Variants in PDE1A observed in about 807,000 individuals in gnomAD.
The protein encoded by PDE1A is phosphodiesterase 1A.
PDE1A carries 35 observed loss-of-function variants against 61.7 expected under a neutral mutation model. That is an observed-to-expected ratio of 0.57 (90% CI 0.43 to 0.75). The LOEUF is 0.75. Ranked by LOEUF, PDE1A falls within the 30% of genes least tolerant of loss-of-function variation. PDE1A has a pLI of 0.00. For synonymous variants in PDE1A, 232 were observed against 213.2 expected (o/e 1.09, Z -0.77); for missense variants, 597 against 630.6 (o/e 0.95, Z 0.57).
chr2:182,597,520 G>A, the PDE1A span, among the ~76,000 whole-genome samples: 10 of 152,244 alleles, frequency 6.6e-5, no homozygotes, highest in Non-Finnish European at 1.5e-4. Context: ...GAGGGGTCCT[G>A]GGAGGGTCCT....
intron 13 of PDE1A, among the ~76,000 whole-genome samples, chr2:182,156,522 C>T (rs187228277): frequency 9.2e-5 from 14 of 152,072 alleles, no homozygotes; most frequent in Middle Eastern, 3.4e-3. Flanking sequence ...CATTCCTAGT[C>T]ATCTGGAAAA....
At chr2:182,376,579 A>G (rs148665440) in intron 1 of PDE1A, among the ~76,000 whole-genome samples, 1,912 of 152,214 alleles carry the variant, frequency 0.013, 24 homozygotes, top group South Asian at 0.048. Context: ...ACATTTTCTT[A>G]TCTTCTTCTG....
intron 1 of PDE1A, among the ~76,000 whole-genome samples, chr2:182,375,351 T>A (rs1700337425): frequency 6.6e-6 from 1 of 152,166 alleles, no homozygotes; most frequent in Admixed American, 6.5e-5. Context: ...CTAGATACAA[T>A]GGGGGTACAG....
chr2:182,161,955 C>CT (rs2125299706), intron 13 of PDE1A, among the ~76,000 whole-genome samples: 1 of 152,182 alleles, frequency 6.6e-6, no homozygotes, highest in South Asian at 2.1e-4. Flanking sequence ...CAGGAGTGAG[C>CT]TGGGGATGCC....
chr2:182,186,195 C>G, intron 12 of PDE1A, 116 bp from the exon 13 acceptor site: 1 of 1,057,386 alleles, frequency 9.5e-7, no homozygotes, highest in Non-Finnish European at 1.4e-6. Flanking sequence ...TGCTCAGTCC[C>G]AGTTCTGAGC....
the PDE1A span, among the ~76,000 whole-genome samples, chr2:182,590,984 A>G: frequency 6.6e-6 from 1 of 152,224 alleles, no homozygotes; most frequent in African/African-American, 2.4e-5. Context: ...AACTATAACA[A>G]TGCCTCATAC....
chr2:182,168,710 T>C (rs910296291), intron 13 of PDE1A, among the ~76,000 whole-genome samples: 1 of 152,132 alleles, frequency 6.6e-6, no homozygotes, highest in African/African-American at 2.4e-5. Context: ...ATGTAGAATT[T>C]TATTATGTAA....
chr2:182,330,302 C>A (rs1432464201), intron 1 of PDE1A, among the ~76,000 whole-genome samples: 1 of 150,984 alleles, frequency 6.6e-6, no homozygotes, highest in Admixed American at 6.6e-5. Context: ...CAAGATCATG[C>A]CATTTCACTC....
At chr2:182,622,234 A>G in the PDE1A span, among the ~76,000 whole-genome samples, 1 of 152,248 alleles carries the variant, frequency 6.6e-6, no homozygotes, top group Admixed American at 6.5e-5. Context: ...CCCTAGCTGC[A>G]TATTAAACAC....
At chr2:182,214,604 G>A (rs1441042193) in intron 7 of PDE1A, among the ~76,000 whole-genome samples, 1 of 150,460 alleles carries the variant, frequency 6.6e-6, no homozygotes, top group African/African-American at 2.5e-5. Flanking sequence ...AAAAAGGCAG[G>A]GGTTGCAATC....
At chr2:182,158,928 G>A (rs974085995) in intron 13 of PDE1A, among the ~76,000 whole-genome samples, 1 of 152,078 alleles carries the variant, frequency 6.6e-6, no homozygotes, top group Non-Finnish European at 1.5e-5. Flanking sequence ...AAATACTTTA[G>A]TTATACATTT....
At chr2:182,168,322 A>G (rs1691796077) in intron 13 of PDE1A, 1 of 1,552,144 alleles carries the variant, frequency 6.4e-7, no homozygotes, top group Non-Finnish European at 8.7e-7. Flanking sequence ...TTATTTTAAT[A>G]ATTTAGAGAA....
intron 4 of PDE1A, among the ~76,000 whole-genome samples, chr2:182,232,005 C>T (rs1689621816): frequency 6.6e-6 from 1 of 152,116 alleles, no homozygotes; most frequent in African/African-American, 2.4e-5. Flanking sequence ...GTATTTTTTA[C>T]ACTACTTTTC....
the PDE1A span, among the ~76,000 whole-genome samples, chr2:182,679,458 C>T: frequency 2.7e-5 from 4 of 150,876 alleles, no homozygotes; most frequent in Non-Finnish European, 4.4e-5. Flanking sequence ...GCCTCAGCCT[C>T]CCAAAGTGCT....
intron 1 of PDE1A, among the ~76,000 whole-genome samples, chr2:182,370,227 T>C (rs1185398601): frequency 6.6e-6 from 1 of 152,068 alleles, no homozygotes; most frequent in Non-Finnish European, 1.5e-5. Flanking sequence ...AGGTTAATCT[T>C]TTTTCCTGTG....
intron 1 of PDE1A, among the ~76,000 whole-genome samples, chr2:182,264,878 C>CATGTATATATATGTGT (rs1553560263): frequency 9.4e-6 from 1 of 106,878 alleles, no homozygotes; most frequent in African/African-American, 3.7e-5. Context: ...TATATATATA[C>CATGTATATATATGTGT]ATATATATAT....
At chr2:182,491,475 A>T (rs1475489776) in intron 2 of PDE1A, among the ~76,000 whole-genome samples, 1 of 152,146 alleles carries the variant, frequency 6.6e-6, no homozygotes, top group African/African-American at 2.4e-5. Flanking sequence ...AGGGAAGAAA[A>T]ACTACTGTAG....
At chr2:182,586,090 G>C in the PDE1A span, among the ~76,000 whole-genome samples, 2 of 152,080 alleles carry the variant, frequency 1.3e-5, no homozygotes, top group Non-Finnish European at 2.9e-5. Flanking sequence ...AGCACTTTCG[G>C]TTCTATCTCC....
intron 10 of PDE1A, among the ~76,000 whole-genome samples, chr2:182,189,898 T>C (rs1009201518): frequency 6.6e-6 from 1 of 152,208 alleles, no homozygotes; most frequent in Non-Finnish European, 1.5e-5. Flanking sequence ...TTCAATTTCC[T>C]GGCCATTTGA....
Sources: allele counts gnomAD v4.1 joint callset (sites outside exome capture counted in the v4.1 genomes callset), GRCh38; gene constraint gnomAD v4.1.1; transcripts MANE v1.5; gene names NCBI Gene and HGNC (gene_info 2026-07-23, HGNC 2026-07-21).